The following WWOX variants were observed in gnomAD, a reference collection of about 807,000 sequenced individuals.
WWOX encodes WW domain-containing oxidoreductase.
WWOX carries 69 observed loss-of-function variants against 46.2 expected under a neutral mutation model. The observed-to-expected ratio is 1.49, with a 90% confidence interval of 1.23 to 1.82. The LOEUF is 1.82. WWOX is among the 40% of genes most tolerant of loss of function. The pLI, the probability that WWOX is intolerant of heterozygous loss-of-function variation, is 0.00. For missense variants in WWOX, 919 were observed against 542.6 expected (o/e 1.69, Z -6.89); for synonymous variants, 359 against 202.6 (o/e 1.77, Z -6.56).
intron 8 of WWOX, among the ~76,000 whole-genome samples, chr16:78,933,873 G>T (rs1019159927): frequency 6.6e-6 from 1 of 151,918 alleles, no homozygotes; most frequent in Non-Finnish European, 1.5e-5. Flanking sequence ...TGAGATTTGG[G>T]TGGGGACACA....
rs577665965 is a variant in WWOX, at chr16:78,709,128, C to T, written c.1056+276376C>T. On this transcript the variant is annotated intron_variant, in intron 8 of 8. Coordinates refer to ENST00000566780, the MANE Select transcript of WWOX (RefSeq NM_016373.4). ...TTTTGAAGTTCCCTACTCTCCTCCT[C>T]GTTCTCTAAATCCATGAAAAAATAG... Among the ~76,000 whole-genome samples the T allele has an allele frequency of 2.4e-3, 361 of 152,244 alleles. 2 individuals carry two copies. Among genetic ancestry groups the T allele is most frequent in the Non-Finnish European group, 2.1e-3 (146 of 68,024 alleles).
intron 8 of WWOX, among the ~76,000 whole-genome samples, chr16:78,441,873 C>T (rs1305891240): frequency 2.0e-5 from 3 of 151,758 alleles, no homozygotes; most frequent in East Asian, 1.9e-4. Context: ...ACTAGATACT[C>T]AATAACCATT....
At chr16:78,835,576 C>G (rs1459441051) in intron 8 of WWOX, among the ~76,000 whole-genome samples, 1 of 152,182 alleles carries the variant, frequency 6.6e-6, no homozygotes, top group Non-Finnish European at 1.5e-5. Flanking sequence ...ATATTGATAT[C>G]AGACCTTATA....
chr16:79,059,273 A>G (rs981814529), intron 8 of WWOX, among the ~76,000 whole-genome samples: 2 of 152,148 alleles, frequency 1.3e-5, no homozygotes, highest in Non-Finnish European at 2.9e-5. Context: ...ATACAGCGTA[A>G]AAGACACCCT....
chr16:78,657,063 C>T (rs1248267342), intron 8 of WWOX, among the ~76,000 whole-genome samples: 4 of 152,160 alleles, frequency 2.6e-5, no homozygotes, highest in Non-Finnish European at 2.9e-5. Flanking sequence ...GGCTTTCTGG[C>T]TAATTGAGTG....
chr16:79,050,138 C>T (rs2048139187), intron 8 of WWOX, among the ~76,000 whole-genome samples: 1 of 152,136 alleles, frequency 6.6e-6, no homozygotes, highest in South Asian at 2.1e-4. Context: ...TGGCTCACGG[C>T]AATCAGTATT....
intron 8 of WWOX, among the ~76,000 whole-genome samples, chr16:79,090,710 C>G (rs1166657343): frequency 1.3e-5 from 2 of 152,184 alleles, no homozygotes; most frequent in African/African-American, 4.8e-5. Context: ...GAGTGAGGCA[C>G]ATGCTCGGCG....
intron 5 of WWOX, among the ~76,000 whole-genome samples, chr16:78,174,092 G>T (rs2035252905): frequency 6.6e-6 from 1 of 152,082 alleles, no homozygotes; most frequent in Admixed American, 6.6e-5. Flanking sequence ...GGCAATTAGG[G>T]TTTCACCATA....
intron 8 of WWOX, among the ~76,000 whole-genome samples, chr16:78,731,945 C>T (rs1000461904): frequency 6.7e-6 from 1 of 150,124 alleles, no homozygotes; most frequent in Non-Finnish European, 1.5e-5. Flanking sequence ...ACTCTGGGCT[C>T]AATTGATCCT....
chr16:78,099,927 T>C, intron 1 of WWOX, 42 bp downstream of exon 1: 1 of 1,545,446 alleles, frequency 6.5e-7, no homozygotes, highest in Non-Finnish European at 8.7e-7. Context: ...CCTGGGACCC[T>C]GCACAGCCCA....
At chr16:79,177,246 G>C (rs1428714447) in intron 8 of WWOX, among the ~76,000 whole-genome samples, 1 of 152,150 alleles carries the variant, frequency 6.6e-6, no homozygotes, top group Non-Finnish European at 1.5e-5. Flanking sequence ...GAGTGCCGTT[G>C]TGGCCGACTG....
At chr16:78,430,530 A>C (rs1158103165) in intron 7 of WWOX, among the ~76,000 whole-genome samples, 1 of 152,146 alleles carries the variant, frequency 6.6e-6, no homozygotes, top group South Asian at 2.1e-4. Context: ...CATCATGTGC[A>C]TTGCAAGACA....
chr16:78,328,220 C>T lies in WWOX; in HGVS notation c.517-58640C>T, dbSNP rs1018639228. ...AGTCCCTTACCTGTAACTCAAATTCCCGAACCTTCAAAAAACAACAAGTGG... is the reference window on the plus strand; with the variant it reads ...AGTCCCTTACCTGTAACTCAAATTCTCGAACCTTCAAAAAACAACAAGTGG... On this transcript the variant is annotated intron_variant, in intron 5 of 8. Coordinates refer to ENST00000566780, the MANE Select transcript of WWOX (RefSeq NM_016373.4). 3.9e-5 allele frequency among the ~76,000 whole-genome samples: 6 copies of T among 151,956 alleles called. 1 individual carries two copies.
chr16:78,507,587 G>A (rs1013942992), intron 8 of WWOX, among the ~76,000 whole-genome samples: 2 of 152,122 alleles, frequency 1.3e-5, no homozygotes, highest in African/African-American at 4.8e-5. Flanking sequence ...AAGCAGGCAT[G>A]CAACATCAGT....
At position 79,137,060 on chromosome 16, in the gene WWOX, C is replaced by T. The variant is rs187403536; in HGVS notation, c.1057-74548C>T. On this transcript the variant is annotated intron_variant, in intron 8 of 8. Transcript: ENST00000566780. The stretch of plus-strand genomic sequence containing the variant: ...ATAAACTGCCAAGGGTTAGTCGTAG[C>T]CCTCCATCTGCCAGCTAATTCCGGT... Among the ~76,000 whole-genome samples the T allele has an allele frequency of 1.3e-4, 20 of 152,268 alleles. No individual in the cohort carries two copies. In the East Asian group the frequency reaches 3.9e-3, roughly 29 times the overall value.
At chr16:78,789,257 C>A (rs913805687) in intron 8 of WWOX, among the ~76,000 whole-genome samples, 1 of 152,156 alleles carries the variant, frequency 6.6e-6, no homozygotes, top group African/African-American at 2.4e-5. Flanking sequence ...CCTCTATTTT[C>A]TTCTCAGACT....
At chr16:78,522,752 C>G (rs192645860) in intron 8 of WWOX, among the ~76,000 whole-genome samples, 30 of 152,306 alleles carry the variant, frequency 2.0e-4, no homozygotes, top group African/African-American at 7.0e-4. Context: ...ATGATAAAGT[C>G]AAGTCGAATA....
At chr16:78,657,844 G>A (rs1320987101) in intron 8 of WWOX, among the ~76,000 whole-genome samples, 1 of 151,910 alleles carries the variant, frequency 6.6e-6, no homozygotes, top group Non-Finnish European at 1.5e-5. Context: ...TTTGTTTTTT[G>A]TTTTTTTGTT....
At chr16:78,361,175 G>C (rs1410214527) in intron 5 of WWOX, among the ~76,000 whole-genome samples, 1 of 152,106 alleles carries the variant, frequency 6.6e-6, no homozygotes, top group Non-Finnish European at 1.5e-5. Context: ...TTCTGATCTT[G>C]AGACCTTGAT....
Sources: gnomAD v4.1 joint callset for allele counts (sites outside exome capture counted in the v4.1 genomes callset) on GRCh38, gnomAD v4.1.1 for gene constraint, MANE v1.5 for transcripts, NCBI Gene and HGNC (gene_info 2026-07-23, HGNC 2026-07-21) for gene names.